Variants in ACADSB observed in about 807,000 individuals in gnomAD.
ACADSB encodes the protein short/branched chain specific acyl-CoA dehydrogenase, mitochondrial.
A neutral mutation model predicts 54.1 loss-of-function variants in ACADSB; 40 were observed. The observed-to-expected ratio is 0.74, with a 90% CI of 0.57 to 0.96. The LOEUF is 0.96. ACADSB is among the 40% of genes least tolerant of loss of function. The pLI is 0.00. For missense variants in ACADSB, 530 were observed against 510.4 expected, an observed-to-expected ratio of 1.04 and a Z score of -0.37; for synonymous variants, 182 against 182.8, an observed-to-expected ratio of 1.00 and a Z score of 0.03.
chr10:123,024,007 A>G (rs1850216309), intron 1 of ACADSB, among the ~76,000 whole-genome samples: 1 of 152,220 alleles, frequency 6.6e-6, no homozygotes, highest in African/African-American at 2.4e-5. Context: ...CTCTGACCTT[A>G]GGTGGGCACC....
chr10:123,032,072 G>A (rs987285767), intron 1 of ACADSB, among the ~76,000 whole-genome samples: 1 of 151,636 alleles, frequency 6.6e-6, no homozygotes. Context: ...CTCTGCCGCT[G>A]GGGTTCAAGC....
intron 8 of ACADSB, among the ~76,000 whole-genome samples, chr10:123,047,703 C>T (rs1172789784): frequency 6.6e-5 from 10 of 152,172 alleles, no homozygotes; most frequent in Non-Finnish European, 1.2e-4. Context: ...AAACTACTTA[C>T]TTACCCCGGT....
At chr10:123,035,340 A>G (rs1850384768) in intron 2 of ACADSB, among the ~76,000 whole-genome samples, 1 of 152,192 alleles carries the variant, frequency 6.6e-6, no homozygotes. Context: ...CGGAGCCCAA[A>G]TGAAGCAGAA....
intron 1 of ACADSB, among the ~76,000 whole-genome samples, chr10:123,020,737 A>G (rs145174953): frequency 1.2e-3 from 179 of 152,390 alleles, no homozygotes; most frequent in African/African-American, 4.1e-3. Context: ...CCAGTGCAGC[A>G]AATCAAAATA....
intron 5 of ACADSB, among the ~76,000 whole-genome samples, chr10:123,042,378 T>C (rs988973500): frequency 6.6e-6 from 1 of 152,024 alleles, no homozygotes; most frequent in Non-Finnish European, 1.5e-5. Flanking sequence ...AATAGACATA[T>C]AGCAAAATAA....
Position 123,044,458 on chromosome 10 carries a change from T to C in ACADSB, c.873T>C (p.Asn291=), listed in dbSNP as rs1850523390. The change falls in exon 7 of 11, where the codon AAT becomes AAC. Residue 291 remains asparagine (N), a synonymous_variant. Coordinates refer to ENST00000358776, the MANE Select transcript of ACADSB (RefSeq NM_001609.4). ...HGYKYAIGSL[N]EGRIGIAAQM... is the part of the protein sequence containing the mutation. ...ATAAGTATGCCATAGGGAGTCTCAA[T>C]GAAGGTAGAATAGGAATTGCTGCAC... is the stretch of plus-strand genomic sequence containing the variant. 3 of 1,613,634 alleles carry C rather than the reference T, an allele frequency of 1.9e-6. No individual in the cohort carries two copies. Among genetic ancestry groups the C allele is most frequent in the African/African-American group, 2.7e-5 (2 of 74,912 alleles).
intron 1 of ACADSB, among the ~76,000 whole-genome samples, chr10:123,019,735 G>A (rs1850158498): frequency 6.6e-6 from 1 of 152,206 alleles, no homozygotes; most frequent in Admixed American, 6.5e-5. Flanking sequence ...ATATGTGTGT[G>A]TAGGACTGTG....
At chr10:123,040,734 A>C in intron 4 of ACADSB, 62 bp downstream of exon 4, 1 of 1,516,600 alleles carries the variant, frequency 6.6e-7, no homozygotes, top group Non-Finnish European at 9.1e-7. Flanking sequence ...CAATATTTTC[A>C]GGAAAAAAGT....
At chr10:123,010,179 C>T (rs904953980) in intron 1 of ACADSB, among the ~76,000 whole-genome samples, 1 of 152,158 alleles carries the variant, frequency 6.6e-6, no homozygotes, top group African/African-American at 2.4e-5. Flanking sequence ...ATTTATTGAC[C>T]GCATACTCTG....
intron 1 of ACADSB, among the ~76,000 whole-genome samples, chr10:123,013,231 A>C (rs939756916): frequency 5.9e-5 from 9 of 152,126 alleles, no homozygotes; most frequent in Non-Finnish European, 1.2e-4. Context: ...TTAGCTAGAC[A>C]TAAAGATTCT....
At chr10:123,037,195 C>G (rs1280557399) in intron 2 of ACADSB, among the ~76,000 whole-genome samples, 1 of 152,210 alleles carries the variant, frequency 6.6e-6, no homozygotes, top group Non-Finnish European at 1.5e-5. Context: ...ACAACAAAGA[C>G]TCACCTGCCC....
chr10:123,020,928 G>A (rs1021574208), intron 1 of ACADSB, among the ~76,000 whole-genome samples: 4 of 152,240 alleles, frequency 2.6e-5, no homozygotes, highest in East Asian at 1.9e-4. Context: ...GCTTGAACCC[G>A]GGAGGCAGAG....
At chr10:123,015,105 G>T (rs967705184) in intron 1 of ACADSB, among the ~76,000 whole-genome samples, 1 of 152,220 alleles carries the variant, frequency 6.6e-6, no homozygotes. Context: ...CCCAGACAGG[G>T]TTGCCCACAG....
chr10:123,009,191 G>A, intron 1 of ACADSB, 120 bp downstream of exon 1: 2 of 1,144,322 alleles, frequency 1.7e-6, no homozygotes, highest in South Asian at 1.4e-5. Context: ...TCCACGTCCT[G>A]GGTCCCCAGA....
At chr10:123,030,719 C>T (rs1298974754) in intron 1 of ACADSB, among the ~76,000 whole-genome samples, 4 of 151,824 alleles carry the variant, frequency 2.6e-5, no homozygotes, top group Admixed American at 1.3e-4. Context: ...TAGAGCAATA[C>T]TTCATTATGC....
At chr10:123,022,812 G>C (rs1205923186) in intron 1 of ACADSB, among the ~76,000 whole-genome samples, 1 of 152,160 alleles carries the variant, frequency 6.6e-6, no homozygotes, top group African/African-American at 2.4e-5. Flanking sequence ...GACAATTTTA[G>C]AAACATATTT....
rs191725578 is a variant in ACADSB, at chr10:123,048,786, G to T, written c.990+1488G>T. Among the ~76,000 whole-genome samples the T allele has an allele frequency of 4.9e-3, 742 of 151,734 alleles. 3 individuals are homozygous for T. Among genetic ancestry groups the T allele is most frequent in the African/African-American group, 0.017 (706 of 41,380 alleles). On this transcript the variant is annotated intron_variant, in intron 8 of 10. Coordinates refer to ENST00000358776, the MANE Select transcript of ACADSB (RefSeq NM_001609.4). Reference sequence around the variant, plus strand: ...CTCTGTCACCCAGGCTGGAGTGCAGGGGCGCTATCTTGGCTCACTGCAAGC... The same window carrying T: ...CTCTGTCACCCAGGCTGGAGTGCAGTGGCGCTATCTTGGCTCACTGCAAGC...
chr10:123,012,554 T>A (rs1415632816), intron 1 of ACADSB, among the ~76,000 whole-genome samples: 3 of 152,046 alleles, frequency 2.0e-5, no homozygotes, highest in Non-Finnish European at 4.4e-5. Flanking sequence ...GATGTTCGGA[T>A]GTGTTCGGAG....
intron 1 of ACADSB, among the ~76,000 whole-genome samples, chr10:123,024,810 A>G (rs1256743098): frequency 6.6e-6 from 1 of 152,050 alleles, no homozygotes; most frequent in Non-Finnish European, 1.5e-5. Context: ...GTTCAAATAC[A>G]CTCTAGAGGT....
Sources: gnomAD v4.1 joint callset for allele counts (sites outside exome capture counted in the v4.1 genomes callset) on GRCh38, gnomAD v4.1.1 for gene constraint, MANE v1.5 for transcripts, NCBI Gene and HGNC (gene_info 2026-07-23, HGNC 2026-07-21) for gene names.